ZMAT4: variants seen among roughly 807,000 people sequenced by gnomAD.
ZMAT4 encodes the protein zinc finger matrin-type protein 4.
ZMAT4 carries 17 observed loss-of-function variants against 28.7 expected under a neutral mutation model. The observed-to-expected ratio is 0.59, with a 90% confidence interval of 0.41 to 0.89. The LOEUF (loss-of-function observed/expected upper bound fraction) is 0.89. ZMAT4 is among the 40% of genes least tolerant of loss of function. The probability of loss-of-function intolerance (pLI) is 0.00; values close to 1 mark genes in which losing one functional copy is unlikely to be tolerated. For synonymous variants in ZMAT4, 117 were observed against 109.2 expected (o/e 1.07, Z -0.44); for missense variants, 240 against 283.8 (o/e 0.85, Z 1.11).
At chr8:40,871,996 G>T (rs753699020) in intron 1 of ZMAT4, among the ~76,000 whole-genome samples, 6 of 152,212 alleles carry the variant, frequency 3.9e-5, no homozygotes, top group Non-Finnish European at 8.8e-5. Context: ...TGATTTCAAA[G>T]TAGAAGAGGA....
rs575893489 is a variant in ZMAT4, at chr8:40,790,389, G to T, written c.103-22659C>A. Among the ~76,000 whole-genome samples, 14 of 152,204 alleles carry T rather than the reference G, an allele frequency of 9.2e-5. No homozygotes were observed. The East Asian group carries it at 2.5e-3, about 27-fold the overall frequency. On this transcript the variant is annotated intron_variant, in intron 2 of 6. Coordinates refer to ENST00000297737, the MANE Select transcript of ZMAT4 (RefSeq NM_024645.3). Reference sequence around the variant, plus strand: ...ATTGATATCTAAAACCAATTGCATTGCTACATACTAGCAACACAAAATTAG... The same window carrying T: ...ATTGATATCTAAAACCAATTGCATTTCTACATACTAGCAACACAAAATTAG...
intron 2 of ZMAT4, among the ~76,000 whole-genome samples, chr8:40,819,823 T>C (rs1370763385): frequency 6.6e-6 from 1 of 152,140 alleles, no homozygotes. Flanking sequence ...TGTGTGTTTA[T>C]GAATTCCTTT....
intron 1 of ZMAT4, among the ~76,000 whole-genome samples, chr8:40,872,459 G>A (rs548153543): frequency 1.3e-5 from 2 of 152,206 alleles, no homozygotes; most frequent in Admixed American, 6.5e-5. Flanking sequence ...TGGAGAAGGA[G>A]AGTAAACAAG....
intron 1 of ZMAT4, among the ~76,000 whole-genome samples, chr8:40,841,220 C>T (rs890142867): frequency 1.3e-5 from 2 of 152,172 alleles, no homozygotes; most frequent in East Asian, 1.9e-4. Flanking sequence ...GCCCCAGTGG[C>T]GGTTGCACTC....
chr8:40,709,824 G>A (rs1810522212), intron 3 of ZMAT4, among the ~76,000 whole-genome samples: 1 of 152,164 alleles, frequency 6.6e-6, no homozygotes, highest in Non-Finnish European at 1.5e-5. Context: ...AGATCACGAG[G>A]TCCGGAGTTT....
chr8:40,650,311 A>G (rs1374574790), intron 5 of ZMAT4, among the ~76,000 whole-genome samples: 1 of 151,668 alleles, frequency 6.6e-6, no homozygotes, highest in African/African-American at 2.4e-5. Flanking sequence ...TATGCAAATA[A>G]ACTAGAAAAT....
At chr8:40,621,522 G>A (rs1361726627) in intron 5 of ZMAT4, among the ~76,000 whole-genome samples, 10 of 152,206 alleles carry the variant, frequency 6.6e-5, no homozygotes, top group Non-Finnish European at 1.2e-4. Flanking sequence ...GCAAAGCTGA[G>A]AGATGGTAGA....
intron 3 of ZMAT4, among the ~76,000 whole-genome samples, chr8:40,717,541 G>C (rs1051006350): frequency 1.3e-5 from 2 of 151,950 alleles, no homozygotes; most frequent in Admixed American, 1.3e-4. Flanking sequence ...CATGCCTCTA[G>C]TCCCAGCTAC....
chr8:40,645,879 T>G (rs1232856952), intron 5 of ZMAT4, among the ~76,000 whole-genome samples: 1 of 152,148 alleles, frequency 6.6e-6, no homozygotes, highest in African/African-American at 2.4e-5. Context: ...GTATATATAA[T>G]GTATATAGCA....
chr8:40,840,290 G>C lies in ZMAT4; in HGVS notation c.-4-14610C>G, dbSNP rs114253395. On this transcript the variant is annotated intron_variant, in intron 1 of 6. Coordinates refer to ENST00000297737, the MANE Select transcript of ZMAT4 (RefSeq NM_024645.3). ...CTGCAAAGGTGAAAAAGCCCAGTCA[G>C]TGCAACACAACATGGACCAACCCTG... Among the ~76,000 whole-genome samples the C allele has an allele frequency of 9.9e-3, 1,505 of 152,274 alleles. 25 individuals carry two copies. The highest frequency in any genetic ancestry group is 0.034 in the African/African-American group (1,430 of 41,566).
At chr8:40,754,540 A>T (rs2150549410) in intron 3 of ZMAT4, among the ~76,000 whole-genome samples, 1 of 152,152 alleles carries the variant, frequency 6.6e-6, no homozygotes, top group South Asian at 2.1e-4. Flanking sequence ...GAGTTCTACT[A>T]TTTTTTTTCA....
chr8:40,761,551 A>T (rs1812938451), intron 3 of ZMAT4, among the ~76,000 whole-genome samples: 1 of 152,160 alleles, frequency 6.6e-6, no homozygotes, highest in African/African-American at 2.4e-5. Context: ...CATCAACTTC[A>T]TTAGAGGCAG....
intron 3 of ZMAT4, among the ~76,000 whole-genome samples, chr8:40,729,997 T>C (rs1325313048): frequency 6.6e-6 from 1 of 152,208 alleles, no homozygotes; most frequent in Admixed American, 6.5e-5. Flanking sequence ...ATAATTATGT[T>C]TAAAATCTGC....
At chr8:40,551,709 C>T (rs535145193) in intron 6 of ZMAT4, among the ~76,000 whole-genome samples, 7 of 152,230 alleles carry the variant, frequency 4.6e-5, no homozygotes, top group South Asian at 2.1e-4. Context: ...AAGATGGGCT[C>T]GCTGCTTACC....
At chr8:40,612,773 T>C (rs1805843964) in intron 5 of ZMAT4, among the ~76,000 whole-genome samples, 1 of 134,996 alleles carries the variant, frequency 7.4e-6, no homozygotes, top group African/African-American at 2.5e-5. Context: ...CTTTATTCAA[T>C]GGGTTTCTAC....
intron 5 of ZMAT4, among the ~76,000 whole-genome samples, chr8:40,592,735 C>T (rs2589907): frequency 0.49 from 74,819 of 151,876 alleles, 18,680 homozygotes; most frequent in Middle Eastern, 0.54. Context: ...CACAGTAGAT[C>T]ATTCTAAATA....
At chr8:40,547,913 T>G (rs1050662531) in intron 6 of ZMAT4, among the ~76,000 whole-genome samples, 3 of 152,220 alleles carry the variant, frequency 2.0e-5, no homozygotes, top group African/African-American at 7.2e-5. Context: ...AGAAGTGTTA[T>G]GAAGGATGCG....
At chr8:40,594,433 A>G (rs1805019067) in intron 5 of ZMAT4, among the ~76,000 whole-genome samples, 2 of 152,218 alleles carry the variant, frequency 1.3e-5, no homozygotes, top group South Asian at 4.1e-4. Context: ...AAATGAAGGA[A>G]TAACATACCT....
At chr8:40,871,781 T>C (rs746068844) in intron 1 of ZMAT4, among the ~76,000 whole-genome samples, 8 of 152,220 alleles carry the variant, frequency 5.3e-5, no homozygotes, top group Non-Finnish European at 1.2e-4. Flanking sequence ...CAGGGAAGTC[T>C]GTCTCTTCCA....
Sources: allele counts gnomAD v4.1 joint callset (sites outside exome capture counted in the v4.1 genomes callset), GRCh38; gene constraint gnomAD v4.1.1; transcripts MANE v1.5; gene names NCBI Gene and HGNC (gene_info 2026-07-23, HGNC 2026-07-21).